Variants in MED16 observed in about 807,000 individuals in gnomAD.
The protein encoded by MED16 is mediator of RNA polymerase II transcription subunit 16.
In MED16, 81 loss-of-function variants were observed where a neutral mutation model predicts 84.4. The ratio of observed to expected loss-of-function variants is 0.96; its 90% CI spans 0.80 to 1.15. The LOEUF (loss-of-function observed/expected upper bound fraction) is 1.15. Ranked by LOEUF, MED16 falls within the 50% of genes most tolerant of loss-of-function variation. MED16 has a pLI of 0.00. For synonymous variants in MED16, 897 were observed against 552.2 expected (o/e 1.62, Z -8.76); for missense variants, 1,585 against 1,245.9 (o/e 1.27, Z -4.10).
At chr19:882,718 G>C (rs1025903480) in intron 6 of MED16, among the ~76,000 whole-genome samples, 71 of 152,238 alleles carry the variant, frequency 4.7e-4, no homozygotes, top group African/African-American at 1.7e-3. Context: ...CACAGAAACA[G>C]AAACAGTGCA....
Position 875,300 on chromosome 19 carries a change from G to C in MED16, c.1715C>G (p.Pro572Arg). 6.2e-7 allele frequency: 1 copy of C among 1,610,984 alleles called. No homozygotes were observed. Among genetic ancestry groups the C allele is most frequent in the Non-Finnish European group, 8.5e-7 (1 of 1,179,628 alleles). ...SLLRPHFLNTPDKSPGDRLTE... is the reference protein window; with the variant it reads ...SLLRPHFLNTRDKSPGDRLTE... ...CAGCCGGTCGCCGGGGCTCTTGTCA[G>C]GCGTGTTGAGAAAGTGGGGGCGCAG... Residue 572 changes from proline (P) to arginine (R), a missense_variant, in exon 10 of 16, where the codon CCT (proline) becomes CGT (arginine). Physicochemically the swap from Pro to Arg is moderately radical, Grantham distance 103. Transcript: ENST00000325464.
In MED16 at chr19:873,977, C is replaced by A. The variant is rs565230134; in HGVS notation, c.1772-395G>T. On this transcript the variant is annotated intron_variant, in intron 10 of 15. Transcript: ENST00000325464. ...GCCACCCCCGGCTGGCAGCTGGCGG[C>A]GGTTACACACCCAACAGATGCCTCT... 5.9e-5 allele frequency among the ~76,000 whole-genome samples: 9 copies of A among 152,292 alleles called. No homozygotes were observed. In the South Asian group the frequency reaches 1.9e-3, roughly 32 times the overall value.
At position 871,146 on chromosome 19, in the gene MED16, C is replaced by CGCTG; in HGVS notation, c.2202_2205dup (p.Asp736GlnfsTer6). On this transcript the variant is annotated frameshift_variant, in exon 13 of 16. Coordinates refer to ENST00000325464, the MANE Select transcript of MED16 (RefSeq NM_005481.3). LOFTEE classifies it high-confidence loss of function. Reference sequence around the variant, plus strand: ...GGCTGCAGGCGGCTAACCAGGCCGTCGCTGGCTGGCAGCCAGTCCAGGCTG... The same window carrying CGCTG: ...GGCTGCAGGCGGCTAACCAGGCCGTCGCTGGCTGGCTGGCAGCCAGTCCAGGCTG... 1 of 1,548,234 alleles carries CGCTG rather than the reference C, an allele frequency of 6.5e-7. No individual in the cohort carries two copies. The highest frequency in any genetic ancestry group is 8.7e-7 in the Non-Finnish European group (1 of 1,145,634).
At chr19:874,759 G>A (rs781006972) in intron 10 of MED16, among the ~76,000 whole-genome samples, 3 of 151,958 alleles carry the variant, frequency 2.0e-5, no homozygotes, top group Non-Finnish European at 4.4e-5. Context: ...TGTAATCCCA[G>A]CTACTCCAGA....
intron 9 of MED16, among the ~76,000 whole-genome samples, chr19:876,698 G>T (rs1044980337): frequency 6.6e-6 from 1 of 151,716 alleles, no homozygotes; most frequent in Non-Finnish European, 1.5e-5. Context: ...CCAACCTGCC[G>T]CAGGGAAACC....
intron 7 of MED16, 110 bp from the exon 8 acceptor site, chr19:880,258 G>A (rs1040832402): frequency 7.8e-6 from 8 of 1,022,418 alleles, no homozygotes; most frequent in Non-Finnish European, 1.1e-5. Flanking sequence ...CCATCCAGGG[G>A]GTCAGCCCCC....
At chr19:876,350 C>T (rs768210668) in intron 9 of MED16, among the ~76,000 whole-genome samples, 16 of 152,054 alleles carry the variant, frequency 1.1e-4, no homozygotes, top group Admixed American at 6.6e-4. Flanking sequence ...CCTCTCCTTC[C>T]GACGGGCGGG....
At position 882,833 on chromosome 19, in the gene MED16, C is replaced by T. The variant is rs532214346; in HGVS notation, c.986-1119G>A. On this transcript the variant is annotated intron_variant, in intron 6 of 15. Transcript: ENST00000325464. ...CACCCGCATCATGAGGTCTCTGCCC[C>T]GGACGGGCCATCACGGTCACAGAGC... is the stretch of plus-strand genomic sequence containing the variant. Among the ~76,000 whole-genome samples the T allele has an allele frequency of 1.1e-3, 162 of 152,338 alleles. 1 individual carries two copies. The highest frequency in any genetic ancestry group is 1.9e-3 in the Non-Finnish European group (132 of 68,038).
chr19:883,500 G>GA (rs1331458568), intron 6 of MED16, among the ~76,000 whole-genome samples: 4 of 151,608 alleles, frequency 2.6e-5, no homozygotes, highest in South Asian at 4.2e-4. Flanking sequence ...GCGGTAGGGG[G>GA]AGAGATGGGG....
rs1333843379 is a variant in MED16 at position 871,256 on chromosome 19, G to A, written c.2099-3C>T. The A allele has an allele frequency of 4.6e-6, 7 of 1,531,372 alleles. No homozygotes were observed. Among genetic ancestry groups the A allele is most frequent in the South Asian group, 2.4e-5 (2 of 83,642 alleles). 94.9% of individuals were successfully genotyped at this position (1,531,372 alleles called of 1,614,324 possible). On this transcript the variant is annotated splice_region_variant and splice_polypyrimidine_tract_variant and intron_variant, in intron 12 of 15. Transcript: ENST00000325464. The stretch of plus-strand genomic sequence containing the variant: ...GCTCGCTGGGCCCTCATCGCGACCT[G>A]CGGAGAGAGGTGGCGGAAGTCTCAG...
At chr19:877,509 T>A (rs755992023) in intron 8 of MED16, among the ~76,000 whole-genome samples, 1 of 146,640 alleles carries the variant, frequency 6.8e-6, no homozygotes, top group Non-Finnish European at 1.5e-5. Context: ...TCCTAATACG[T>A]GCTGTGAGCC....
chr19:888,633 A>G (rs560126832), intron 4 of MED16, among the ~76,000 whole-genome samples: 3 of 152,250 alleles, frequency 2.0e-5, no homozygotes, highest in Non-Finnish European at 4.4e-5. Context: ...CACACTCTCA[A>G]TGGGTGAGTT....
At chr19:881,490 CTG>C (rs2036421987) in intron 7 of MED16, 67 bp downstream of exon 7, 2 of 1,537,238 alleles carry the variant, frequency 1.3e-6, no homozygotes, top group South Asian at 2.4e-5. Flanking sequence ...ACCCCGTGGC[CTG>C]TGCTCAGGGC....
At chr19:890,647 A>C (rs1402382840) in intron 2 of MED16, among the ~76,000 whole-genome samples, 3 of 152,214 alleles carry the variant, frequency 2.0e-5, no homozygotes, top group African/African-American at 4.8e-5. Context: ...CGCACCTTTC[A>C]AAAACCAGTG....
At chr19:881,012 C>T (rs1267996891) in intron 7 of MED16, among the ~76,000 whole-genome samples, 1 of 152,160 alleles carries the variant, frequency 6.6e-6, no homozygotes, top group Non-Finnish European at 1.5e-5. Context: ...CCCTCAACCT[C>T]TCTGCAGGCT....
intron 10 of MED16, among the ~76,000 whole-genome samples, chr19:875,005 A>T (rs904087033): frequency 1.1e-4 from 16 of 147,786 alleles, no homozygotes; most frequent in African/African-American, 3.5e-4. Context: ...TCTACTAAAA[A>T]TACAAAAAAT....
intron 3 of MED16, 104 bp downstream of exon 3, chr19:890,033 G>T: frequency 2.2e-6 from 2 of 915,540 alleles, no homozygotes; most frequent in Non-Finnish European, 3.3e-6. Context: ...CAGACCAGGG[G>T]CTCTAGACCC....
chr19:884,285 G>C (rs1334515060), intron 6 of MED16, among the ~76,000 whole-genome samples: 1 of 152,214 alleles, frequency 6.6e-6, no homozygotes, highest in Non-Finnish European at 1.5e-5. Flanking sequence ...TAGCAGGCGG[G>C]CGTCCCTGCT....
At chr19:869,955 C>T (rs910568477) in intron 13 of MED16, among the ~76,000 whole-genome samples, 6 of 152,118 alleles carry the variant, frequency 3.9e-5, no homozygotes, top group Admixed American at 2.0e-4. Context: ...GTTTCCTCAC[C>T]GTGAAATGGG....
Sources: gnomAD v4.1 joint callset for allele counts (sites outside exome capture counted in the v4.1 genomes callset) on GRCh38, gnomAD v4.1.1 for gene constraint, MANE v1.5 for transcripts, NCBI Gene and HGNC (gene_info 2026-07-23, HGNC 2026-07-21) for gene names.